ZNRF3: variants seen among roughly 807,000 people sequenced by gnomAD.
The protein encoded by ZNRF3 is E3 ubiquitin-protein ligase ZNRF3.
In ZNRF3, 23 loss-of-function variants were observed where a neutral mutation model predicts 72.5. The observed-to-expected ratio is 0.32, with a 90% CI of 0.23 to 0.45. The LOEUF is 0.45. Among genes scored for constraint, ZNRF3 ranks in the 20% least tolerant of loss-of-function variants. The pLI is 1.00. For missense variants in ZNRF3, 1,169 were observed against 1,272.1 expected (o/e 0.92, Z 1.23); for synonymous variants, 610 against 545.3 (o/e 1.12, Z -1.65).
chr22:28,913,540 G>C (rs1317888093), intron 1 of ZNRF3, among the ~76,000 whole-genome samples: 1 of 152,190 alleles, frequency 6.6e-6, no homozygotes, highest in Non-Finnish European at 1.5e-5. Context: ...CCCTGGGATA[G>C]AGTCATCACC....
chr22:28,990,678 G>A (rs1038619412), intron 2 of ZNRF3, among the ~76,000 whole-genome samples: 8 of 152,070 alleles, frequency 5.3e-5, no homozygotes, highest in African/African-American at 1.9e-4. Context: ...CCTGTCTCCA[G>A]TCAATCAATC....
At chr22:28,891,458 C>G (rs1489332356) in intron 1 of ZNRF3, among the ~76,000 whole-genome samples, 1 of 152,254 alleles carries the variant, frequency 6.6e-6, no homozygotes, top group Non-Finnish European at 1.5e-5. Context: ...TCCTCCCTGT[C>G]AGAGCTTTTA....
At chr22:28,976,869 G>C (rs941939960) in intron 1 of ZNRF3, among the ~76,000 whole-genome samples, 19 of 152,102 alleles carry the variant, frequency 1.2e-4, no homozygotes, top group Admixed American at 1.2e-3. Flanking sequence ...AACTTACGAG[G>C]CATCTTATCT....
At chr22:28,968,118 A>G (rs1467494047) in intron 1 of ZNRF3, among the ~76,000 whole-genome samples, 1 of 152,100 alleles carries the variant, frequency 6.6e-6, no homozygotes, top group Admixed American at 6.6e-5. Context: ...TTAGAGGCTT[A>G]GGTCTGCCCT....
chr22:29,042,089 A>G (rs927518541), intron 2 of ZNRF3, among the ~76,000 whole-genome samples: 2 of 152,230 alleles, frequency 1.3e-5, no homozygotes, highest in Admixed American at 6.5e-5. Flanking sequence ...CATGATTACC[A>G]TACAAGGTAG....
At chr22:28,934,325 AG>A (rs1320215206) in intron 1 of ZNRF3, among the ~76,000 whole-genome samples, 2 of 152,186 alleles carry the variant, frequency 1.3e-5, no homozygotes, top group African/African-American at 2.4e-5. Flanking sequence ...AGAGCTGATG[AG>A]GTGCATTGAG....
At chr22:28,899,167 T>C (rs1245972762) in intron 1 of ZNRF3, among the ~76,000 whole-genome samples, 1 of 152,172 alleles carries the variant, frequency 6.6e-6, no homozygotes, top group Non-Finnish European at 1.5e-5. Flanking sequence ...TTTGGTGTTA[T>C]TAGGCTTAAA....
chr22:28,954,067 C>CTG (rs547793714), intron 1 of ZNRF3, among the ~76,000 whole-genome samples: 1 of 152,170 alleles, frequency 6.6e-6, no homozygotes, highest in South Asian at 2.1e-4. Context: ...ACGGCTCACT[C>CTG]TGTGTGTGTT....
chr22:29,041,438 G>A (rs1433365832), intron 2 of ZNRF3, among the ~76,000 whole-genome samples: 46 of 152,260 alleles, frequency 3.0e-4, no homozygotes, highest in Admixed American at 3.0e-3. Context: ...AGCTGGACAT[G>A]GAATTAGAAG....
intron 1 of ZNRF3, among the ~76,000 whole-genome samples, chr22:28,936,227 A>C (rs1041307642): frequency 2.6e-5 from 4 of 152,040 alleles, no homozygotes; most frequent in Admixed American, 6.5e-5. Context: ...TCTGCACTCC[A>C]GTTTTATTCT....
Position 29,030,938 on chromosome 22 carries a change from C to T in ZNRF3, c.427-11557C>T, listed in dbSNP as rs377477464. On this transcript the variant is annotated intron_variant, in intron 2 of 8. Coordinates refer to ENST00000544604, the MANE Select transcript of ZNRF3 (RefSeq NM_001206998.2). This position sits in a 1 kb window ranked among gnomAD's most constrained non-coding sequence, Gnocchi z 4.2. ...AAGGTCAGGCCGGGCTGCAGCCAAG[C>T]CCTGGAGCGAGGAGCCGGCGGGTGG... The T allele has an allele frequency of 2.1e-4, 32 of 152,722 alleles. 1 individual carries two copies. The East Asian group carries it at 5.8e-3, about 28-fold the overall frequency. 9.5% of individuals were successfully genotyped at this position (152,722 alleles called of 1,614,324 possible). A position where few individuals can be genotyped will look rare whatever the true frequency, so the allele number is the denominator to read the frequency against.
chr22:28,953,814 A>T (rs763012542), intron 1 of ZNRF3, among the ~76,000 whole-genome samples: 2 of 152,196 alleles, frequency 1.3e-5, no homozygotes, highest in Non-Finnish European at 2.9e-5. Context: ...TTTTACCTGG[A>T]GTACTCTGGA....
At chr22:29,053,214 TTC>T (rs987917507) in intron 8 of ZNRF3, among the ~76,000 whole-genome samples, 3 of 152,232 alleles carry the variant, frequency 2.0e-5, no homozygotes, top group Non-Finnish European at 4.4e-5. Flanking sequence ...TTCTGTTCAC[TTC>T]TGTCATCCTA....
At chr22:28,890,425 A>G (rs2033863615) in intron 1 of ZNRF3, among the ~76,000 whole-genome samples, 2 of 152,142 alleles carry the variant, frequency 1.3e-5, no homozygotes, top group Admixed American at 1.3e-4. Context: ...GCGTGAACCC[A>G]GGAGGTGGAG....
chr22:28,914,356 C>T (rs775435528), intron 1 of ZNRF3, among the ~76,000 whole-genome samples: 241 of 152,114 alleles, frequency 1.6e-3, no homozygotes, highest in Non-Finnish European at 2.1e-3. Context: ...TCTGCTGACT[C>T]TAGCTGCCCA....
chr22:28,939,756 C>T (rs1158818155), intron 1 of ZNRF3, among the ~76,000 whole-genome samples: 1 of 152,122 alleles, frequency 6.6e-6, no homozygotes, highest in East Asian at 1.9e-4. Context: ...GAACCAGATG[C>T]TGTAGAAAGG....
intron 1 of ZNRF3, among the ~76,000 whole-genome samples, chr22:28,937,819 T>G (rs2034868634): frequency 6.6e-6 from 1 of 152,254 alleles, no homozygotes. Flanking sequence ...GACATATTTT[T>G]AAAAACAATG....
intron 1 of ZNRF3, among the ~76,000 whole-genome samples, chr22:28,949,697 A>G (rs1022251484): frequency 9.9e-5 from 15 of 152,224 alleles, no homozygotes; most frequent in Non-Finnish European, 2.9e-5. Context: ...AAGTTTTATC[A>G]TTGGCAAAAA....
chr22:28,902,072 G>A (rs1403192888), intron 1 of ZNRF3, among the ~76,000 whole-genome samples: 2 of 151,558 alleles, frequency 1.3e-5, no homozygotes, highest in Non-Finnish European at 1.5e-5. Flanking sequence ...GAGTAGCTGG[G>A]ATTACAGGTG....
Sources: allele counts gnomAD v4.1 joint callset (sites outside exome capture counted in the v4.1 genomes callset), GRCh38; gene constraint gnomAD v4.1.1; non-coding constraint Gnocchi (gnomAD v3.1); transcripts MANE v1.5; gene names NCBI Gene and HGNC (gene_info 2026-07-23, HGNC 2026-07-21).